SGCZ: variants seen among roughly 807,000 people sequenced by gnomAD.
The protein encoded by SGCZ is zeta-sarcoglycan.
Under a neutral mutation model 41.3 loss-of-function variants are expected in SGCZ, and 40 were observed. That is an observed-to-expected ratio of 0.97 (90% confidence interval 0.75 to 1.26). The LOEUF is 1.26. SGCZ is among the 50% of genes most tolerant of loss of function. The pLI is 0.00. For synonymous variants in SGCZ, 206 were observed against 137.5 expected (o/e 1.50, Z -3.49); for missense variants, 552 against 369.8 (o/e 1.49, Z -4.04).
At chr8:14,543,772 G>C (rs922425477) in intron 2 of SGCZ, among the ~76,000 whole-genome samples, 4 of 152,056 alleles carry the variant, frequency 2.6e-5, no homozygotes, top group East Asian at 1.9e-4. Flanking sequence ...AATAATCTTA[G>C]ATCTATCCAG....
At chr8:14,572,389 G>T (rs542539506) in intron 1 of SGCZ, among the ~76,000 whole-genome samples, 6 of 152,192 alleles carry the variant, frequency 3.9e-5, no homozygotes, top group Admixed American at 2.6e-4. Flanking sequence ...GGAAGAAAGA[G>T]AATTAACAAC....
At chr8:14,695,714 A>AT (rs368790251) in intron 1 of SGCZ, among the ~76,000 whole-genome samples, 8,164 of 151,616 alleles carry the variant, frequency 0.054, 264 homozygotes, top group South Asian at 0.12. Flanking sequence ...CACACACACA[A>AT]ACCAACAATA....
At chr8:14,106,752 TTGATACTA>T (rs890981509) in intron 6 of SGCZ, among the ~76,000 whole-genome samples, 1 of 152,232 alleles carries the variant, frequency 6.6e-6, no homozygotes, top group Non-Finnish European at 1.5e-5. Context: ...GTCTCTCAGG[TTGATACTA>T]TGATCCAACT....
intron 2 of SGCZ, among the ~76,000 whole-genome samples, chr8:14,430,390 C>T (rs568665334): frequency 6.6e-6 from 1 of 152,236 alleles, no homozygotes; most frequent in African/African-American, 2.4e-5. Flanking sequence ...AATGGTTTAA[C>T]ATATACAAGT....
At chr8:14,425,369 C>T (rs1165549280) in intron 2 of SGCZ, among the ~76,000 whole-genome samples, 3 of 152,106 alleles carry the variant, frequency 2.0e-5, no homozygotes, top group African/African-American at 7.2e-5. Flanking sequence ...ACCTGTAATC[C>T]TAGCACTTTG....
intron 3 of SGCZ, among the ~76,000 whole-genome samples, chr8:14,275,239 T>G (rs1800189257): frequency 6.6e-6 from 1 of 152,132 alleles, no homozygotes; most frequent in Non-Finnish European, 1.5e-5. Context: ...CCCATAAGCC[T>G]AAATGAGACT....
chr8:14,496,016 C>A (rs1354245005), intron 2 of SGCZ, among the ~76,000 whole-genome samples: 2 of 152,106 alleles, frequency 1.3e-5, no homozygotes, highest in African/African-American at 4.8e-5. Flanking sequence ...CTACAGAACA[C>A]TGCAATAGGG....
At chr8:15,148,448 G>T (rs1213854830) in intron 1 of SGCZ, among the ~76,000 whole-genome samples, 2 of 152,136 alleles carry the variant, frequency 1.3e-5, no homozygotes, top group Non-Finnish European at 2.9e-5. Flanking sequence ...GACCTCCTGG[G>T]TATTATAGCA....
At chr8:14,416,594 T>A (rs1799499938) in intron 2 of SGCZ, among the ~76,000 whole-genome samples, 1 of 151,874 alleles carries the variant, frequency 6.6e-6, no homozygotes, top group Non-Finnish European at 1.5e-5. Flanking sequence ...TTTACAATGT[T>A]ACTCAGGGTA....
chr8:14,584,671 AT>A (rs1368002772), intron 1 of SGCZ, among the ~76,000 whole-genome samples: 1 of 152,042 alleles, frequency 6.6e-6, no homozygotes, highest in African/African-American at 2.4e-5. Flanking sequence ...GCTAAATTTA[AT>A]TTTTTTATTC....
intron 1 of SGCZ, among the ~76,000 whole-genome samples, chr8:14,807,768 A>G (rs370501851): frequency 5.9e-5 from 9 of 152,136 alleles, no homozygotes; most frequent in South Asian, 2.1e-4. Context: ...AGCCCGCATC[A>G]CCAAGTCAAT....
chr8:14,103,115 ACAT>A, intron 6 of SGCZ, among the ~76,000 whole-genome samples: 1 of 152,102 alleles, frequency 6.6e-6, no homozygotes, highest in East Asian at 1.9e-4. Flanking sequence ...AGAATGAGTG[ACAT>A]CAGTCTGTGA....
chr8:14,394,357 G>A (rs1563300843), intron 2 of SGCZ, among the ~76,000 whole-genome samples: 1 of 151,900 alleles, frequency 6.6e-6, no homozygotes, highest in Non-Finnish European at 1.5e-5. Context: ...CACCATGTTG[G>A]CCAGGATGGT....
At chr8:14,890,710 T>C (rs915649476) in intron 1 of SGCZ, among the ~76,000 whole-genome samples, 7 of 152,212 alleles carry the variant, frequency 4.6e-5, no homozygotes, top group Non-Finnish European at 7.3e-5. Flanking sequence ...TAGATGAAAT[T>C]GCCTTCCATT....
intron 2 of SGCZ, among the ~76,000 whole-genome samples, chr8:14,546,753 T>C (rs1259748563): frequency 1.3e-5 from 2 of 152,192 alleles, no homozygotes; most frequent in South Asian, 2.1e-4. Flanking sequence ...CACGGAGTTA[T>C]ACCATGTAAA....
chr8:14,959,279 G>A (rs76792450), intron 1 of SGCZ, among the ~76,000 whole-genome samples: 5,823 of 152,198 alleles, frequency 0.038, 351 homozygotes, highest in African/African-American at 0.13. Context: ...TGGAAATGAA[G>A]TTAGAATACA....
chr8:14,291,906 T>A (rs13279599), intron 3 of SGCZ, among the ~76,000 whole-genome samples: 1 of 151,508 alleles, frequency 6.6e-6, no homozygotes, highest in African/African-American at 2.4e-5. Flanking sequence ...TGATTCGCAT[T>A]CTGAGTTTCT....
At chr8:14,605,847 C>T (rs1805731755) in intron 1 of SGCZ, among the ~76,000 whole-genome samples, 2 of 152,078 alleles carry the variant, frequency 1.3e-5, no homozygotes, top group South Asian at 4.1e-4. Context: ...AATAACTGAA[C>T]AGATGAGGGA....
At chr8:15,206,943 T>C (rs974516900) in intron 1 of SGCZ, among the ~76,000 whole-genome samples, 5 of 152,122 alleles carry the variant, frequency 3.3e-5, no homozygotes, top group Admixed American at 6.6e-5. Flanking sequence ...ACAAGACAAA[T>C]ATAATCTAAT....
Sources: allele counts gnomAD v4.1 joint callset (sites outside exome capture counted in the v4.1 genomes callset), GRCh38; gene constraint gnomAD v4.1.1; transcripts MANE v1.5; gene names NCBI Gene and HGNC (gene_info 2026-07-23, HGNC 2026-07-21).